Variants in MARCHF1 observed in about 807,000 individuals in gnomAD.
MARCHF1 encodes membrane associated ring-CH-type finger 1, also known as E3 ubiquitin-protein ligase MARCHF1.
In MARCHF1, 40 loss-of-function variants were observed where a neutral mutation model predicts 54.2. The observed-to-expected ratio is 0.74, with a 90% CI of 0.57 to 0.96. The LOEUF (loss-of-function observed/expected upper bound fraction) is 0.96. MARCHF1 is among the 40% of genes least tolerant of loss of function. The pLI is 0.00. For synonymous variants in MARCHF1, 236 were observed against 236.3 expected (o/e 1.00, Z 0.01); for missense variants, 586 against 656.5 (o/e 0.89, Z 1.17).
chr4:164,113,386 A>G (rs959552494), intron 1 of MARCHF1, among the ~76,000 whole-genome samples: 2 of 151,984 alleles, frequency 1.3e-5, no homozygotes, highest in Admixed American at 6.6e-5. Context: ...CTCTATATAC[A>G]TACCTTTCTA....
At chr4:163,575,455 C>T (rs1357365625) in intron 8 of MARCHF1, among the ~76,000 whole-genome samples, 2 of 152,050 alleles carry the variant, frequency 1.3e-5, no homozygotes, top group East Asian at 3.9e-4. Flanking sequence ...ATTTAGTTTG[C>T]TAATTTTTTT....
chr4:163,962,044 C>T (rs1185418635), intron 3 of MARCHF1, among the ~76,000 whole-genome samples: 1 of 151,900 alleles, frequency 6.6e-6, no homozygotes, highest in Non-Finnish European at 1.5e-5. Context: ...ATAGGACTTA[C>T]TCTAACTTGC....
intron 3 of MARCHF1, among the ~76,000 whole-genome samples, chr4:163,913,172 C>T (rs4639028): frequency 0.92 from 140,315 of 152,214 alleles, 65,484 homozygotes; most frequent in South Asian, 0.99. Context: ...CCTTACCTAG[C>T]CAAAATGCAT....
intron 5 of MARCHF1, among the ~76,000 whole-genome samples, chr4:163,669,601 C>CTT (rs11338534): frequency 6.4e-5 from 9 of 141,664 alleles, no homozygotes; most frequent in Admixed American, 3.5e-4. Context: ...AGATGTTTAT[C>CTT]TTTTTTTTTT....
intron 4 of MARCHF1, among the ~76,000 whole-genome samples, chr4:163,723,968 A>G (rs1452739464): frequency 1.3e-5 from 2 of 152,134 alleles, no homozygotes; most frequent in African/African-American, 4.8e-5. Context: ...CTTGGGTTCA[A>G]ACTTCCTCCT....
chr4:163,983,524 A>G (rs938185410), intron 3 of MARCHF1, among the ~76,000 whole-genome samples: 1 of 152,168 alleles, frequency 6.6e-6, no homozygotes, highest in Non-Finnish European at 1.5e-5. Context: ...CAAAAAGAAA[A>G]CAAAACTCCC....
chr4:163,926,400 G>A (rs1252780525), intron 3 of MARCHF1, among the ~76,000 whole-genome samples: 2 of 151,322 alleles, frequency 1.3e-5, no homozygotes, highest in African/African-American at 2.4e-5. Context: ...TTGGACATTT[G>A]GATTTTTTTT....
intron 4 of MARCHF1, among the ~76,000 whole-genome samples, chr4:163,808,722 C>A (rs1748298709): frequency 6.6e-6 from 1 of 152,058 alleles, no homozygotes; most frequent in Non-Finnish European, 1.5e-5. Flanking sequence ...GCACCTGCCA[C>A]CATGCCTGGC....
chr4:164,296,799 A>G, intron 1 of MARCHF1, among the ~76,000 whole-genome samples: 1 of 152,198 alleles, frequency 6.6e-6, no homozygotes. Flanking sequence ...TTTTCAGGTT[A>G]CTTATGTTCA....
chr4:163,931,583 T>C (rs1441722334), intron 3 of MARCHF1, among the ~76,000 whole-genome samples: 1 of 152,144 alleles, frequency 6.6e-6, no homozygotes, highest in Non-Finnish European at 1.5e-5. Context: ...ATCTTGGACT[T>C]CTCAGCTTCC....
intron 3 of MARCHF1, among the ~76,000 whole-genome samples, chr4:163,919,287 T>C (rs1446388232): frequency 6.6e-6 from 1 of 152,030 alleles, no homozygotes; most frequent in Admixed American, 6.6e-5. Context: ...AGAAAAGGTA[T>C]TTCAATAAGA....
At chr4:164,355,787 C>T (rs1390513004) in intron 1 of MARCHF1, among the ~76,000 whole-genome samples, 2 of 105,038 alleles carry the variant, frequency 1.9e-5, no homozygotes, top group African/African-American at 6.2e-5. Flanking sequence ...AACTAAAGAG[C>T]TTCTGCACAG....
At chr4:163,569,989 C>A (rs1385358919) in intron 8 of MARCHF1, among the ~76,000 whole-genome samples, 1 of 152,162 alleles carries the variant, frequency 6.6e-6, no homozygotes, top group East Asian at 1.9e-4. Context: ...TTAAAATGAA[C>A]TCCTGAAGAG....
intron 1 of MARCHF1, among the ~76,000 whole-genome samples, chr4:164,275,177 C>T (rs1733847430): frequency 6.6e-6 from 1 of 151,734 alleles, no homozygotes; most frequent in African/African-American, 2.4e-5. Flanking sequence ...CATACCAACA[C>T]AGAATTCCAA....
chr4:163,803,227 G>A (rs933254434), intron 4 of MARCHF1, among the ~76,000 whole-genome samples: 1 of 152,154 alleles, frequency 6.6e-6, no homozygotes, highest in Non-Finnish European at 1.5e-5. Context: ...AGTCTGGAGT[G>A]TAATGGCCTG....
chr4:164,190,781 T>A (rs890559912), intron 1 of MARCHF1, among the ~76,000 whole-genome samples: 3 of 152,342 alleles, frequency 2.0e-5, no homozygotes, highest in Admixed American at 2.0e-4. Context: ...TATGAAATCC[T>A]TTTATATTTG....
intron 3 of MARCHF1, among the ~76,000 whole-genome samples, chr4:163,875,857 G>C (rs531763385): frequency 1.8e-4 from 28 of 152,212 alleles, no homozygotes; most frequent in Non-Finnish European, 3.7e-4. Context: ...GGGTACCAAA[G>C]AGAGGCAATT....
intron 5 of MARCHF1, among the ~76,000 whole-genome samples, chr4:163,672,669 C>G (rs1487671353): frequency 6.6e-6 from 1 of 152,078 alleles, no homozygotes; most frequent in African/African-American, 2.4e-5. Context: ...TTTCCTATTA[C>G]TGCTTTCACA....
chr4:163,566,448 C>G (rs1381729256), intron 8 of MARCHF1, among the ~76,000 whole-genome samples: 1 of 152,218 alleles, frequency 6.6e-6, no homozygotes, highest in African/African-American at 2.4e-5. Flanking sequence ...TAGTATGAAT[C>G]TGCACACGAT....
Sources: gnomAD v4.1 joint callset for allele counts (sites outside exome capture counted in the v4.1 genomes callset) on GRCh38, gnomAD v4.1.1 for gene constraint, MANE v1.5 for transcripts, NCBI Gene and HGNC (gene_info 2026-07-23, HGNC 2026-07-21) for gene names.